GRIK1: variants seen among roughly 807,000 people sequenced by gnomAD.
GRIK1 encodes glutamate ionotropic receptor kainate type subunit 1, also known as glutamate receptor ionotropic, kainate 1.
Under a neutral mutation model 105.7 loss-of-function variants are expected in GRIK1, and 69 were observed. The ratio of observed to expected loss-of-function variants is 0.65; its 90% CI spans 0.54 to 0.80. The LOEUF is 0.80. Among genes scored for constraint, GRIK1 ranks in the 30% least tolerant of loss-of-function variants. GRIK1 has a pLI of 0.00. For synonymous variants in GRIK1, 438 were observed against 431.3 expected, an observed-to-expected ratio of 1.02 and a Z score of -0.19; for missense variants, 1,109 against 1,167.3, an observed-to-expected ratio of 0.95 and a Z score of 0.73.
intron 1 of GRIK1, among the ~76,000 whole-genome samples, chr21:29,802,231 C>T (rs1052170982): frequency 2.0e-5 from 3 of 152,132 alleles, no homozygotes; most frequent in South Asian, 4.1e-4. Context: ...AAATGTCAAG[C>T]CCTGCTATTA....
intron 1 of GRIK1, among the ~76,000 whole-genome samples, chr21:29,791,689 G>A (rs2066423504): frequency 6.6e-6 from 1 of 152,188 alleles, no homozygotes; most frequent in Admixed American, 6.5e-5. Context: ...CTTTCTAATA[G>A]TCTAGTAAAA....
rs568648777 is a variant in GRIK1, at chr21:29,587,964, CTTTTTTTTTTTTTT to C, written c.1570-389_1570-376del. ...GCTCTGAGCTGAAAACTTTAAAATT[CTTTTTTTTTTTTTT>C]TTTTTTTTTTTTGTGAGGCGGAGTC... is the stretch of plus-strand genomic sequence containing the variant. On this transcript the variant is annotated intron_variant, in intron 11 of 17. Transcript: ENST00000327783. 1.4e-4 allele frequency among the ~76,000 whole-genome samples: 9 copies of C among 65,406 alleles called. No individual in the cohort carries two copies. In the East Asian group the frequency reaches 1.8e-3, roughly 13 times the overall value. 42.9% of individuals were successfully genotyped at this position (65,406 alleles called of 152,430 possible).
chr21:29,924,762 C>G (rs973057556), intron 1 of GRIK1, among the ~76,000 whole-genome samples: 1 of 152,152 alleles, frequency 6.6e-6, no homozygotes, highest in African/African-American at 2.4e-5. Flanking sequence ...GTCTCATCCT[C>G]TTAGAGGTGA....
At chr21:29,612,628 A>G (rs363424) in intron 7 of GRIK1, among the ~76,000 whole-genome samples, 81,229 of 152,038 alleles carry the variant, frequency 0.53, 24,505 homozygotes, top group African/African-American at 0.82. Flanking sequence ...CTTTTATAAA[A>G]CACATCACAC....
chr21:29,792,649 A>G lies in GRIK1; in HGVS notation c.119-98586T>C, dbSNP rs79868382. ...AAATGTCCACTATGGTTAATTAAAT[A>G]TGCCTGCTCTGAAATATTTCCTTTG... is the stretch of plus-strand genomic sequence containing the variant. On this transcript the variant is annotated intron_variant, in intron 1 of 17. Coordinates refer to ENST00000327783, the MANE Select transcript of GRIK1 (RefSeq NM_001330994.2). Among the ~76,000 whole-genome samples the G allele has an allele frequency of 3.4e-4, 52 of 152,352 alleles. 2 individuals are homozygous for G. In the East Asian group the frequency reaches 9.8e-3, roughly 29 times the overall value.
chr21:29,899,491 T>A (rs1489100373), intron 1 of GRIK1, among the ~76,000 whole-genome samples: 1 of 152,184 alleles, frequency 6.6e-6, no homozygotes, highest in Non-Finnish European at 1.5e-5. Context: ...CTTGTCATAG[T>A]CATGTAAGGA....
At chr21:29,888,154 C>CTTT (rs1245471484) in intron 1 of GRIK1, among the ~76,000 whole-genome samples, 2 of 122,356 alleles carry the variant, frequency 1.6e-5, no homozygotes, top group Admixed American at 8.0e-5. Context: ...TCCCTCCCTC[C>CTTT]TTTCTTTTTT....
intron 1 of GRIK1, among the ~76,000 whole-genome samples, chr21:29,812,993 G>A (rs558769745): frequency 6.6e-5 from 10 of 152,210 alleles, no homozygotes; most frequent in Admixed American, 2.6e-4. Context: ...TACAGGAGAC[G>A]TTGCAGCCTT....
At chr21:29,843,433 G>C (rs1049069456) in intron 1 of GRIK1, among the ~76,000 whole-genome samples, 1 of 152,168 alleles carries the variant, frequency 6.6e-6, no homozygotes, top group Admixed American at 6.5e-5. Flanking sequence ...AGAGCAAATG[G>C]ATGTTTTGAG....
At chr21:29,782,365 C>A (rs185437887) in intron 1 of GRIK1, among the ~76,000 whole-genome samples, 3 of 152,288 alleles carry the variant, frequency 2.0e-5, no homozygotes, top group Admixed American at 2.0e-4. Flanking sequence ...GGATTACAGG[C>A]CACTTTTTTC....
intron 1 of GRIK1, among the ~76,000 whole-genome samples, chr21:29,830,007 T>C (rs530369113): frequency 2.0e-5 from 3 of 152,206 alleles, no homozygotes; most frequent in African/African-American, 7.2e-5. Context: ...AATTCCCAAA[T>C]AGAAACACCT....
intron 1 of GRIK1, among the ~76,000 whole-genome samples, chr21:29,824,795 G>T (rs961919362): frequency 2.0e-5 from 3 of 151,882 alleles, no homozygotes; most frequent in Admixed American, 6.6e-5. Context: ...TACTATGGAG[G>T]GTCATAAGAA....
At chr21:29,782,769 T>G (rs2066158431) in intron 1 of GRIK1, among the ~76,000 whole-genome samples, 1 of 152,246 alleles carries the variant, frequency 6.6e-6, no homozygotes, top group African/African-American at 2.4e-5. Flanking sequence ...CTAATTCATC[T>G]CCCTTTTAAT....
intron 14 of GRIK1, among the ~76,000 whole-genome samples, chr21:29,567,048 A>G (rs2090627693): frequency 6.6e-6 from 1 of 152,236 alleles, no homozygotes; most frequent in African/African-American, 2.4e-5. Context: ...TATAATGTAC[A>G]GAAACTATTT....
chr21:29,712,741 T>C (rs1389123782), intron 1 of GRIK1, among the ~76,000 whole-genome samples: 1 of 152,200 alleles, frequency 6.6e-6, no homozygotes, highest in Non-Finnish European at 1.5e-5. Flanking sequence ...TTTGCACTTA[T>C]ACATTAAGGA....
chr21:29,829,611 G>A (rs948312800), intron 1 of GRIK1, among the ~76,000 whole-genome samples: 11 of 152,246 alleles, frequency 7.2e-5, no homozygotes, highest in African/African-American at 1.4e-4. Flanking sequence ...CTAAATGATC[G>A]ATTCTGCCAC....
At chr21:29,769,137 G>T (rs901798789) in intron 1 of GRIK1, among the ~76,000 whole-genome samples, 1 of 152,120 alleles carries the variant, frequency 6.6e-6, no homozygotes, top group African/African-American at 2.4e-5. Flanking sequence ...GTAGGTGTTT[G>T]TTATAGGTAG....
chr21:29,723,875 T>C (rs550735442), intron 1 of GRIK1, among the ~76,000 whole-genome samples: 137 of 152,332 alleles, frequency 9.0e-4, no homozygotes, highest in Non-Finnish European at 1.5e-3. Flanking sequence ...CTAACTGCCC[T>C]TTCTTTCTTA....
chr21:29,837,378 A>G (rs2067836824), intron 1 of GRIK1, among the ~76,000 whole-genome samples: 1 of 152,218 alleles, frequency 6.6e-6, no homozygotes. Flanking sequence ...GCAGCATCTG[A>G]TGCTTCTTAA....
Sources: allele counts gnomAD v4.1 joint callset (sites outside exome capture counted in the v4.1 genomes callset), GRCh38; gene constraint gnomAD v4.1.1; transcripts MANE v1.5; gene names NCBI Gene and HGNC (gene_info 2026-07-23, HGNC 2026-07-21).